Variants in SIPA1L2 observed in about 807,000 individuals in gnomAD.
SIPA1L2 encodes the protein signal induced proliferation associated 1 like 2, also known as signal-induced proliferation-associated 1-like protein 2.
A neutral mutation model predicts 163.9 loss-of-function variants in SIPA1L2; 56 were observed. That is an observed-to-expected ratio of 0.34 (90% CI 0.28 to 0.43). The LOEUF (loss-of-function observed/expected upper bound fraction) is 0.43, where lower values mean the gene tolerates loss of function less well. SIPA1L2 is among the 20% of genes least tolerant of loss of function. SIPA1L2 has a pLI of 1.00. For missense variants in SIPA1L2, 1,974 were observed against 2,193.5 expected, an observed-to-expected ratio of 0.90 and a Z score of 2.00; for synonymous variants, 877 against 865.7, an observed-to-expected ratio of 1.01 and a Z score of -0.23.
intron 2 of SIPA1L2, among the ~76,000 whole-genome samples, chr1:232,524,272 G>C (rs563393986): frequency 1.3e-5 from 2 of 152,166 alleles, no homozygotes; most frequent in Admixed American, 6.5e-5. Flanking sequence ...TGAATAATGA[G>C]TCATAGAAGA....
intron 2 of SIPA1L2, chr1:232,561,501 T>C (rs1659034509): frequency 6.6e-6 from 1 of 152,156 alleles, no homozygotes; most frequent in Admixed American, 6.5e-5. Flanking sequence ...ACAGATCACA[T>C]GTTCATCCGA....
chr1:232,441,921 G>C, intron 12 of SIPA1L2, 53 bp from the exon 13 acceptor site: 3 of 1,477,388 alleles, frequency 2.0e-6, no homozygotes, highest in Non-Finnish European at 2.8e-6. Context: ...CCACCTGCCA[G>C]CATGCACACG....
intron 18 of SIPA1L2, among the ~76,000 whole-genome samples, chr1:232,420,449 G>A (rs1446375999): frequency 2.0e-5 from 3 of 152,150 alleles, no homozygotes; most frequent in African/African-American, 7.2e-5. Flanking sequence ...GGTTTTATAC[G>A]AAAGGCATCA....
rs150304440 is a variant in SIPA1L2, at chr1:232,588,779, A to C, written c.-318-14557T>G. On this transcript the variant is annotated intron_variant, in intron 1 of 22. Transcript: ENST00000674635. The stretch of plus-strand genomic sequence containing the variant: ...GGCAAGAAAACAGCTGTCTTCTAAT[A>C]AGCCAGATATTAAAGATATTCGCAA... Among the ~76,000 whole-genome samples the C allele has an allele frequency of 1.8e-3, 274 of 152,368 alleles. 2 individuals carry two copies. Among genetic ancestry groups the C allele is most frequent in the Admixed American group, 5.2e-3 (80 of 15,312 alleles).
At position 232,566,465 on chromosome 1, in the gene SIPA1L2, C is replaced by A. The variant is rs990960314; in HGVS notation, c.-270+7709G>T. ...CAATGTGGTACGTGGAAAAGCCCTG[C>A]TGGATTTCAGATTCATGAACTAAGA... On this transcript the variant is annotated intron_variant, in intron 2 of 22. Transcript: ENST00000674635. Among the ~76,000 whole-genome samples the A allele has an allele frequency of 5.3e-5, 8 of 152,200 alleles. No individual in the cohort carries two copies. In the South Asian group the frequency reaches 1.7e-3, roughly 32 times the overall value.
rs1262551024 is a variant in SIPA1L2 at position 232,425,746 on chromosome 1, G to A, written c.4473C>T (p.Ser1491=). The change falls in exon 18 of 23, where the codon AGC becomes AGT. Residue 1491 remains serine, a synonymous_variant. Coordinates refer to ENST00000674635, the MANE Select transcript of SIPA1L2 (RefSeq NM_020808.5). ...AGGACCCCCTCCTGTTGCTGCAGATGCTCTCGTCAGACAGCGTGCGGTAAA... is the reference window on the plus strand; with the variant it reads ...AGGACCCCCTCCTGTTGCTGCAGATACTCTCGTCAGACAGCGTGCGGTAAA... ...RSLYRTLSDE[S]ICSNRRGSSF... The A allele has an allele frequency of 6.2e-7, 1 of 1,614,026 alleles. No individual in the cohort carries two copies. The highest frequency in any genetic ancestry group is 8.5e-7 in the Non-Finnish European group (1 of 1,180,018).
chr1:232,455,730 AAG>A (rs1553289745), intron 10 of SIPA1L2, among the ~76,000 whole-genome samples: 2 of 151,896 alleles, frequency 1.3e-5, no homozygotes, highest in Middle Eastern at 3.4e-3. Flanking sequence ...AAAAAAAAAA[AAG>A]AGAAAATTCC....
In SIPA1L2 at chr1:232,410,331, C is replaced by T. The variant is rs143106931; in HGVS notation, c.4762+5163G>A. Reference sequence around the variant, plus strand: ...AAATTGATATAGCTTTTAATTACTTCACCTACTGTAACTTTTTAATTAAAG... The same window carrying T: ...AAATTGATATAGCTTTTAATTACTTTACCTACTGTAACTTTTTAATTAAAG... On this transcript the variant is annotated intron_variant, in intron 19 of 22. Transcript: ENST00000674635. 4.8e-3 allele frequency among the ~76,000 whole-genome samples: 723 copies of T among 152,194 alleles called. 4 individuals are homozygous for T. Among genetic ancestry groups the T allele is most frequent in the African/African-American group, 0.016 (684 of 41,548 alleles).
intron 1 of SIPA1L2, among the ~76,000 whole-genome samples, chr1:232,576,826 T>C (rs891392281): frequency 1.3e-5 from 2 of 152,124 alleles, no homozygotes; most frequent in Admixed American, 6.5e-5. Flanking sequence ...GGATAGAAGA[T>C]GAAACCAGCC....
intron 2 of SIPA1L2, among the ~76,000 whole-genome samples, chr1:232,535,934 A>G (rs1174939295): frequency 1.3e-5 from 2 of 152,214 alleles, no homozygotes; most frequent in African/African-American, 4.8e-5. Flanking sequence ...TAGAAATGTT[A>G]GAGTCTCAAG....
chr1:232,570,945 T>TAAAAAAAAAAAAAAAAAAAAAAAAAA (rs11300623), intron 2 of SIPA1L2, among the ~76,000 whole-genome samples: 1 of 76,792 alleles, frequency 1.3e-5, no homozygotes. Flanking sequence ...CCAGAAACTA[T>TAAAAAAAAAAAAAAAAAAAAAAAAAA]AAAAAAAAAA....
chr1:232,526,518 A>C (rs1573029110), intron 2 of SIPA1L2, among the ~76,000 whole-genome samples: 1 of 152,182 alleles, frequency 6.6e-6, no homozygotes, highest in South Asian at 2.1e-4. Flanking sequence ...TCCTATGAGA[A>C]TCTAATGCTG....
chr1:232,433,263 T>C (rs536303690), intron 15 of SIPA1L2, among the ~76,000 whole-genome samples: 12 of 152,252 alleles, frequency 7.9e-5, no homozygotes, highest in Non-Finnish European at 1.3e-4. Flanking sequence ...TCATGAACAA[T>C]GTAGAGAAGA....
intron 18 of SIPA1L2, 87 bp downstream of exon 18, chr1:232,425,502 A>T (rs1661835379): frequency 5.8e-6 from 6 of 1,027,614 alleles, no homozygotes; most frequent in Non-Finnish European, 8.1e-6. Flanking sequence ...CTCCTAAATC[A>T]CTCCACCCTC....
At chr1:232,468,995 C>T (rs930738528) in intron 8 of SIPA1L2, among the ~76,000 whole-genome samples, 2 of 152,168 alleles carry the variant, frequency 1.3e-5, no homozygotes, top group South Asian at 2.1e-4. Context: ...CATAACTGCT[C>T]GAGCATTCTG....
chr1:232,517,931 C>T (rs1330143856), intron 2 of SIPA1L2, among the ~76,000 whole-genome samples: 8 of 151,928 alleles, frequency 5.3e-5, no homozygotes, highest in Non-Finnish European at 1.0e-4. Flanking sequence ...CCTGTAGTAT[C>T]GGCTACTTGG....
chr1:232,478,903 C>T (rs1004213395), intron 7 of SIPA1L2, among the ~76,000 whole-genome samples: 2 of 152,224 alleles, frequency 1.3e-5, no homozygotes, highest in African/African-American at 4.8e-5. Context: ...CATAGATCGT[C>T]TATCCCAAAC....
intron 2 of SIPA1L2, among the ~76,000 whole-genome samples, chr1:232,557,225 A>G (rs1452701740): frequency 1.3e-5 from 2 of 152,196 alleles, no homozygotes; most frequent in African/African-American, 4.8e-5. Flanking sequence ...TATAACATAC[A>G]GTGAACGCCT....
intron 5 of SIPA1L2, among the ~76,000 whole-genome samples, chr1:232,488,250 G>T (rs1410452410): frequency 6.6e-6 from 1 of 152,138 alleles, no homozygotes; most frequent in African/African-American, 2.4e-5. Flanking sequence ...ACCGCGCCCA[G>T]CCCATTATTA....
Sources: gnomAD v4.1 joint callset for allele counts (sites outside exome capture counted in the v4.1 genomes callset) on GRCh38, gnomAD v4.1.1 for gene constraint, MANE v1.5 for transcripts, NCBI Gene and HGNC (gene_info 2026-07-23, HGNC 2026-07-21) for gene names.